ZNF385D: variants seen among roughly 807,000 people sequenced by gnomAD.
ZNF385D encodes the protein zinc finger protein 659.
Under a neutral mutation model 35.8 loss-of-function variants are expected in ZNF385D, and 15 were observed. The observed-to-expected ratio is 0.42, with a 90% confidence interval of 0.28 to 0.64. The LOEUF (loss-of-function observed/expected upper bound fraction) is 0.64. Among genes scored for constraint, ZNF385D ranks in the 30% least tolerant of loss-of-function variants. The pLI is 0.23. For synonymous variants in ZNF385D, 212 were observed against 186.8 expected, an observed-to-expected ratio of 1.13 and a Z score of -1.10; for missense variants, 474 against 494.6, an observed-to-expected ratio of 0.96 and a Z score of 0.39.
intron 3 of ZNF385D, among the ~76,000 whole-genome samples, chr3:21,994,830 C>T (rs1036382788): frequency 2.0e-5 from 3 of 152,198 alleles, no homozygotes; most frequent in African/African-American, 7.2e-5. Flanking sequence ...TCTATGATTT[C>T]CTAAGTTCCT....
chr3:22,130,141 C>G (rs1455138187), intron 3 of ZNF385D, among the ~76,000 whole-genome samples: 2 of 152,076 alleles, frequency 1.3e-5, no homozygotes, highest in African/African-American at 4.8e-5. Flanking sequence ...ATGGGGACTT[C>G]AGGACTCTGC....
chr3:21,998,480 T>C (rs1372557786), intron 3 of ZNF385D, among the ~76,000 whole-genome samples: 1 of 152,214 alleles, frequency 6.6e-6, no homozygotes, highest in Non-Finnish European at 1.5e-5. Flanking sequence ...ATTATAAATG[T>C]AGACATCAGC....
chr3:22,358,411 T>A (rs754698000), intron 2 of ZNF385D, among the ~76,000 whole-genome samples: 2 of 151,770 alleles, frequency 1.3e-5, no homozygotes, highest in Admixed American at 6.6e-5. Flanking sequence ...AAATGCAACT[T>A]TGTTCAAAAG....
intron 3 of ZNF385D, among the ~76,000 whole-genome samples, chr3:22,079,849 G>A (rs1167996431): frequency 6.6e-6 from 1 of 151,836 alleles, no homozygotes; most frequent in East Asian, 1.9e-4. Context: ...TGATGACTCT[G>A]ATCTTTGTGT....
At chr3:21,998,678 A>C (rs1307504797) in intron 3 of ZNF385D, among the ~76,000 whole-genome samples, 1 of 152,252 alleles carries the variant, frequency 6.6e-6, no homozygotes, top group Non-Finnish European at 1.5e-5. Flanking sequence ...ATGTTAATAA[A>C]CAAGAACATC....
intron 3 of ZNF385D, among the ~76,000 whole-genome samples, chr3:22,108,439 A>T (rs186346929): frequency 6.6e-6 from 1 of 152,238 alleles, no homozygotes; most frequent in East Asian, 1.9e-4. Context: ...ATGAAATGCA[A>T]CTATAGCTTC....
intron 2 of ZNF385D, among the ~76,000 whole-genome samples, chr3:22,266,578 C>A (rs1440209457): frequency 6.6e-6 from 1 of 151,802 alleles, no homozygotes; most frequent in Non-Finnish European, 1.5e-5. Context: ...AGGAGACAGG[C>A]CAATGTAAGA....
chr3:21,948,863 T>C (rs1462557633), intron 3 of ZNF385D, among the ~76,000 whole-genome samples: 3 of 152,164 alleles, frequency 2.0e-5, no homozygotes, highest in Admixed American at 2.0e-4. Flanking sequence ...TCTAAAAATC[T>C]TGTGTAAGAT....
chr3:21,628,095 C>T lies in ZNF385D; in HGVS notation c.165+36791G>A, dbSNP rs536845313. Among the ~76,000 whole-genome samples the T allele has an allele frequency of 3.3e-5, 5 of 152,184 alleles. No homozygotes were observed. In the East Asian group the frequency reaches 7.7e-4, roughly 24 times the overall value. Reference sequence around the variant, plus strand: ...CTTTTTCCATTCTGCCCTAACTCTACGGACAAAGGCCTGTTTAATGGCTGC... The same window carrying T: ...CTTTTTCCATTCTGCCCTAACTCTATGGACAAAGGCCTGTTTAATGGCTGC... On this transcript the variant is annotated intron_variant, in intron 2 of 7. Coordinates refer to ENST00000281523, the MANE Select transcript of ZNF385D (RefSeq NM_024697.3).
chr3:21,788,645 T>C (rs1285695994), intron 3 of ZNF385D, among the ~76,000 whole-genome samples: 1 of 152,240 alleles, frequency 6.6e-6, no homozygotes, highest in African/African-American at 2.4e-5. Flanking sequence ...CACTACATTT[T>C]TATTTTTCTG....
At chr3:22,045,253 T>G (rs1270152427) in intron 3 of ZNF385D, among the ~76,000 whole-genome samples, 1 of 152,108 alleles carries the variant, frequency 6.6e-6, no homozygotes, top group Non-Finnish European at 1.5e-5. Flanking sequence ...TTGATCCATT[T>G]GAGTTGATTT....
chr3:22,274,960 G>A (rs1272024898), intron 2 of ZNF385D, among the ~76,000 whole-genome samples: 1 of 151,964 alleles, frequency 6.6e-6, no homozygotes, highest in Non-Finnish European at 1.5e-5. Flanking sequence ...GATTGGGTAA[G>A]AAAACAAGAA....
intron 1 of ZNF385D, among the ~76,000 whole-genome samples, chr3:21,703,792 T>C (rs1391653827): frequency 6.6e-6 from 1 of 152,150 alleles, no homozygotes; most frequent in African/African-American, 2.4e-5. Context: ...CATCTTCTCT[T>C]CTTGACCTTT....
At chr3:21,664,852 C>T in intron 2 of ZNF385D, 34 bp downstream of exon 2, 1 of 1,613,008 alleles carries the variant, frequency 6.2e-7, no homozygotes, top group Non-Finnish European at 8.5e-7. Flanking sequence ...CAATACCTTC[C>T]ACTCAGGCAA....
At chr3:21,428,254 TC>T (rs1417329947) in intron 5 of ZNF385D, among the ~76,000 whole-genome samples, 6 of 152,146 alleles carry the variant, frequency 3.9e-5, no homozygotes, top group Non-Finnish European at 8.8e-5. Flanking sequence ...GTAATATGTT[TC>T]AGATACTGTG....
intron 4 of ZNF385D, among the ~76,000 whole-genome samples, chr3:21,480,745 T>A (rs1704570523): frequency 6.6e-6 from 1 of 152,202 alleles, no homozygotes; most frequent in African/African-American, 2.4e-5. Flanking sequence ...ATGCTCATCT[T>A]CCAATAATCT....
intron 2 of ZNF385D, among the ~76,000 whole-genome samples, chr3:21,613,420 T>C (rs1458492213): frequency 6.7e-6 from 1 of 149,180 alleles, no homozygotes; most frequent in South Asian, 2.1e-4. Context: ...AAAAAAAAAG[T>C]GACCATGTGA....
intron 1 of ZNF385D, among the ~76,000 whole-genome samples, chr3:21,710,189 G>A (rs1219153719): frequency 6.6e-6 from 1 of 152,154 alleles, no homozygotes; most frequent in African/African-American, 2.4e-5. Context: ...GGAGAAAATG[G>A]AACAGTTTCA....
intron 3 of ZNF385D, among the ~76,000 whole-genome samples, chr3:21,936,982 AT>A (rs1474150684): frequency 2.0e-5 from 3 of 152,168 alleles, no homozygotes; most frequent in African/African-American, 7.2e-5. Context: ...TAAGTAAAAT[AT>A]TTATGGATAT....
Sources: allele counts gnomAD v4.1 joint callset (sites outside exome capture counted in the v4.1 genomes callset), GRCh38; gene constraint gnomAD v4.1.1; transcripts MANE v1.5; gene names NCBI Gene and HGNC (gene_info 2026-07-23, HGNC 2026-07-21).